HEATR5A: variants seen among roughly 807,000 people sequenced by gnomAD.
HEATR5A encodes HEAT repeat containing 5A, also known as HEAT repeat-containing protein 5A.
In HEATR5A, 178 loss-of-function variants were observed where a neutral mutation model predicts 218.8. The observed-to-expected ratio is 0.81, with a 90% CI of 0.72 to 0.92. The LOEUF (loss-of-function observed/expected upper bound fraction) is 0.92. Among genes scored for constraint, HEATR5A ranks in the 40% least tolerant of loss-of-function variants. HEATR5A has a pLI of 0.00. For synonymous variants in HEATR5A, 864 were observed against 871.6 expected (o/e 0.99, Z 0.15); for missense variants, 2,420 against 2,418.9 (o/e 1.00, Z -0.01).
intron 1 of HEATR5A, among the ~76,000 whole-genome samples, chr14:31,415,081 G>A (rs759492550): frequency 5.9e-5 from 9 of 152,116 alleles, no homozygotes; most frequent in African/African-American, 7.2e-5. Flanking sequence ...CTGGTGATCC[G>A]CCTGCCTTGG....
intron 23 of HEATR5A, among the ~76,000 whole-genome samples, chr14:31,325,351 A>C (rs192376065): frequency 1.3e-5 from 2 of 152,240 alleles, no homozygotes; most frequent in East Asian, 1.9e-4. Flanking sequence ...CAGTTTTCTA[A>C]TACTACTTGA....
intron 18 of HEATR5A, among the ~76,000 whole-genome samples, chr14:31,348,925 T>A (rs1295778867): frequency 6.6e-6 from 1 of 152,210 alleles, no homozygotes; most frequent in Non-Finnish European, 1.5e-5. Flanking sequence ...TATACATATA[T>A]AACTAATATA....
At chr14:31,328,604 GC>G (rs1900351452) in intron 22 of HEATR5A, among the ~76,000 whole-genome samples, 1 of 152,116 alleles carries the variant, frequency 6.6e-6, no homozygotes, top group Non-Finnish European at 1.5e-5. Context: ...TTCAGTCCAG[GC>G]ACAGTGGCTC....
At chr14:31,357,600 G>C (rs1195278960) in intron 16 of HEATR5A, among the ~76,000 whole-genome samples, 1 of 152,178 alleles carries the variant, frequency 6.6e-6, no homozygotes, top group Non-Finnish European at 1.5e-5. Flanking sequence ...TATATGTCCA[G>C]TTACTAATTA....
chr14:31,400,239 T>C, intron 3 of HEATR5A, 62 bp downstream of exon 3: 1 of 1,117,634 alleles, frequency 8.9e-7, no homozygotes, highest in East Asian at 2.6e-5. Flanking sequence ...CTATGGGTAC[T>C]TCATAAAAAT....
chr14:31,360,319 CTTAAT>C (rs1480296582), intron 14 of HEATR5A, among the ~76,000 whole-genome samples: 1 of 152,038 alleles, frequency 6.6e-6, no homozygotes, highest in African/African-American at 2.4e-5. Context: ...CCTGGTATAG[CTTAAT>C]TTGTTCTTCT....
At chr14:31,358,455 G>A (rs1901502248) in intron 16 of HEATR5A, among the ~76,000 whole-genome samples, 182 bp downstream of exon 16, 1 of 152,088 alleles carries the variant, frequency 6.6e-6, no homozygotes, top group Admixed American at 6.6e-5. Context: ...CAGTTCTAGT[G>A]GTTTTAGGCA....
intron 11 of HEATR5A, among the ~76,000 whole-genome samples, chr14:31,379,133 C>T (rs143170676): frequency 1.3e-5 from 2 of 150,286 alleles, no homozygotes; most frequent in African/African-American, 2.4e-5. Flanking sequence ...TTAGTAGAAG[C>T]AAGATTTCAC....
rs995174025 is a variant in HEATR5A at position 31,418,759 on chromosome 14, A to G, written c.-75+1713T>C. Among the ~76,000 whole-genome samples the G allele has an allele frequency of 3.3e-5, 5 of 152,196 alleles. No individual in the cohort carries two copies. The South Asian group carries it at 1.0e-3, about 32-fold the overall frequency. On this transcript the variant is annotated intron_variant, in intron 1 of 35. Transcript: ENST00000543095. ...CACACAAGACTCAATAGAGCTTTTT[A>G]AAAAAATGCAGATGTCATTAAACGC...
At chr14:31,310,124 T>C (rs765286045) in intron 28 of HEATR5A, among the ~76,000 whole-genome samples, 3 of 152,322 alleles carry the variant, frequency 2.0e-5, no homozygotes, top group Non-Finnish European at 4.4e-5. Context: ...TTCACAATAA[T>C]GTATGTATTC....
rs180787598 is a variant in HEATR5A at position 31,400,439 on chromosome 14, G to A, written c.200C>T (p.Pro67Leu). 2.6e-6 allele frequency: 4 copies of A among 1,535,912 alleles called. No individual in the cohort carries two copies. The highest frequency in any genetic ancestry group is 4.9e-5 in the East Asian group (2 of 40,904). ...ATTCTTAGCAAGCAGTTTGCGGGTA[G>A]GAGGCCCTGGGGAGCTGTTCAACAA... Reference protein sequence around the residue: ...LSLLNSSPGPPTRKLLAKNLA... With the variant: ...LSLLNSSPGPLTRKLLAKNLA... Residue 67 changes from proline to leucine, a missense_variant, in exon 3 of 36, where the codon CCT becomes CTT. Physicochemically the swap from Pro to Leu is moderately conservative, Grantham distance 98 (BLOSUM62 -3). Coordinates refer to ENST00000543095, the MANE Select transcript of HEATR5A (RefSeq NM_015473.4).
At chr14:31,357,886 C>T (rs1371563374) in intron 16 of HEATR5A, among the ~76,000 whole-genome samples, 1 of 152,116 alleles carries the variant, frequency 6.6e-6, no homozygotes, top group East Asian at 1.9e-4. Flanking sequence ...GGGCCCCAAC[C>T]AGTGGGCCAC....
intron 22 of HEATR5A, among the ~76,000 whole-genome samples, chr14:31,334,608 G>A (rs1364069254): frequency 1.3e-5 from 2 of 152,208 alleles, no homozygotes; most frequent in Non-Finnish European, 2.9e-5. Context: ...AATCTTTCAT[G>A]AAAGGAAGTC....
rs575332802 is a variant in HEATR5A, at chr14:31,300,025, G to C, written c.5464+2270C>G. 2.0e-5 allele frequency among the ~76,000 whole-genome samples: 3 copies of C among 152,260 alleles called. No homozygotes were observed. In the East Asian group the frequency reaches 5.8e-4, roughly 29 times the overall value. On this transcript the variant is annotated intron_variant, in intron 33 of 35. Coordinates refer to ENST00000543095, the MANE Select transcript of HEATR5A (RefSeq NM_015473.4). ...CACTCCAGCCTGGGCAACAGAGCGA[G>C]ACTCCAACTCAACAACAACCACAAC...
At chr14:31,415,757 GAC>G (rs776167240) in intron 1 of HEATR5A, among the ~76,000 whole-genome samples, 1 of 152,024 alleles carries the variant, frequency 6.6e-6, no homozygotes, top group Non-Finnish European at 1.5e-5. Context: ...TTTGTGTACA[GAC>G]ACACAAATAT....
chr14:31,349,293 C>A (rs1459324101), intron 18 of HEATR5A, among the ~76,000 whole-genome samples: 1 of 151,980 alleles, frequency 6.6e-6, no homozygotes, highest in South Asian at 2.1e-4. Flanking sequence ...GAGGCTGAGG[C>A]TGATGGCGTG....
intron 31 of HEATR5A, among the ~76,000 whole-genome samples, 189 bp downstream of exon 31, chr14:31,306,543 T>C (rs1899561725): frequency 6.6e-6 from 1 of 152,144 alleles, no homozygotes; most frequent in South Asian, 2.1e-4. Context: ...CAGGGATCAT[T>C]TCTATAGTTC....
intron 1 of HEATR5A, among the ~76,000 whole-genome samples, chr14:31,414,894 G>C (rs2031394740): frequency 6.6e-6 from 1 of 152,108 alleles, no homozygotes; most frequent in Admixed American, 6.5e-5. Flanking sequence ...CAGCTGGAGA[G>C]CAGTGGCACC....
At chr14:31,401,735 C>T (rs1479114543) in intron 2 of HEATR5A, among the ~76,000 whole-genome samples, 3 of 152,206 alleles carry the variant, frequency 2.0e-5, no homozygotes, top group African/African-American at 7.2e-5. Context: ...CCTACACCTC[C>T]CTCATATATA....
Sources: gnomAD v4.1 joint callset for allele counts (sites outside exome capture counted in the v4.1 genomes callset) on GRCh38, gnomAD v4.1.1 for gene constraint, MANE v1.5 for transcripts, NCBI Gene and HGNC (gene_info 2026-07-23, HGNC 2026-07-21) for gene names.